Variants in SHCBP1 observed in about 807,000 individuals in gnomAD.
The protein encoded by SHCBP1 is SHC SH2 domain-binding protein 1.
SHCBP1 carries 60 observed loss-of-function variants against 75.1 expected under a neutral mutation model. That is an observed-to-expected ratio of 0.80 (90% confidence interval 0.65 to 0.99). The LOEUF (loss-of-function observed/expected upper bound fraction) is 0.99, where lower values mean the gene tolerates loss of function less well. SHCBP1 is among the 50% of genes least tolerant of loss of function. The pLI is 0.00. For missense variants in SHCBP1, 709 were observed against 809.4 expected (o/e 0.88, Z 1.50); for synonymous variants, 290 against 293.2 (o/e 0.99, Z 0.11).
At chr16:46,599,735 C>A in intron 9 of SHCBP1, 96 bp downstream of exon 9, 3 of 816,240 alleles carry the variant, frequency 3.7e-6, no homozygotes, top group African/African-American at 2.0e-5. Flanking sequence ...TGCCTGTACT[C>A]AAGAGTGGCA....
chr16:46,592,152 G>A (rs1435220622), intron 10 of SHCBP1, among the ~76,000 whole-genome samples: 1 of 151,624 alleles, frequency 6.6e-6, no homozygotes, highest in Non-Finnish European at 1.5e-5. Context: ...AAGAACATAA[G>A]TGAAATTGAA....
In SHCBP1 at chr16:46,599,853, A is replaced by G. The variant is rs1162467340; in HGVS notation, c.1323T>C (p.His441=). Reference sequence around the variant, plus strand: ...TACTTAAGATTCCCTCTACAGCATCATGCTGAACAAATTTTATGCCTGAGA... The same window carrying G: ...TACTTAAGATTCCCTCTACAGCATCGTGCTGAACAAATTTTATGCCTGAGA... The part of the protein sequence containing the change: ...IKISGIKFVQ[H]DAVEGILIVH... Residue 441 remains histidine, a synonymous_variant, in exon 9 of 13, where the codon CAT becomes CAC. Coordinates refer to ENST00000303383, the MANE Select transcript of SHCBP1 (RefSeq NM_024745.5). 6 of 1,611,718 alleles carry G rather than the reference A, an allele frequency of 3.7e-6. No individual in the cohort carries two copies. Among genetic ancestry groups the G allele is most frequent in the Non-Finnish European group, 5.1e-6 (6 of 1,179,380 alleles).
Position 46,595,631 on chromosome 16 carries a change from A to C in SHCBP1, c.1385T>G (p.Leu462Arg). Residue 462 changes from leucine (L) to arginine (R), a missense_variant, in exon 10 of 13, where the codon CTG becomes CGG. Coordinates refer to ENST00000303383, the MANE Select transcript of SHCBP1 (RefSeq NM_024745.5). ...RGKTTLENCV[L>R]QCETTGVTVR... ...TGTGACTCCGGTCGTCTCACACTGC[A>C]GCACACAGTTTTCCAGCGTAGTCTT... The C allele has an allele frequency of 1.2e-6, 2 of 1,614,176 alleles. No homozygotes were observed. The highest frequency in any genetic ancestry group is 1.7e-6 in the Non-Finnish European group (2 of 1,180,008).
At chr16:46,603,396 C>T in intron 8 of SHCBP1, 143 bp downstream of exon 8, 1 of 1,202,496 alleles carries the variant, frequency 8.3e-7, no homozygotes, top group East Asian at 2.3e-5. Context: ...TTTCAGCTTT[C>T]CATGTCCTTA....
At chr16:46,610,050 A>G (rs1567452286) in intron 4 of SHCBP1, among the ~76,000 whole-genome samples, 1 of 150,834 alleles carries the variant, frequency 6.6e-6, no homozygotes, top group Non-Finnish European at 1.5e-5. Flanking sequence ...TCCTGGGTTC[A>G]AGTAATTCTC....
At chr16:46,586,856 T>C (rs1456200943) in intron 10 of SHCBP1, among the ~76,000 whole-genome samples, 2 of 152,092 alleles carry the variant, frequency 1.3e-5, no homozygotes, top group Non-Finnish European at 2.9e-5. Flanking sequence ...GTGAAAATAT[T>C]CTTCAGGAAT....
chr16:46,616,183 C>A lies in SHCBP1; in HGVS notation c.388-29G>T. ...AAATTTAAAATAATGTGACTTAACACATGGAAATCAAAATGAAGATACACC... is the reference window on the plus strand; with the variant it reads ...AAATTTAAAATAATGTGACTTAACAAATGGAAATCAAAATGAAGATACACC... On this transcript the variant is annotated intron_variant, in intron 3 of 12. Transcript: ENST00000303383. The surrounding 1 kb of genome is among the most constrained non-coding windows in gnomAD (Gnocchi z 4.4). 6.3e-7 allele frequency: 1 copy of A among 1,598,846 alleles called. No homozygotes were observed. The highest frequency in any genetic ancestry group is 8.5e-7 in the Non-Finnish European group (1 of 1,170,204).
intron 1 of SHCBP1, among the ~76,000 whole-genome samples, chr16:46,619,823 T>C (rs1965557742): frequency 6.6e-6 from 1 of 152,102 alleles, no homozygotes; most frequent in African/African-American, 2.4e-5. Flanking sequence ...TCACCTGAGG[T>C]TAGGAGCTCG....
intron 10 of SHCBP1, among the ~76,000 whole-genome samples, chr16:46,588,524 T>A (rs968525979): frequency 6.6e-6 from 1 of 152,088 alleles, no homozygotes. Context: ...CAAACTACCA[T>A]CAGAGAACAC....
At chr16:46,599,644 C>G (rs7206393) in intron 9 of SHCBP1, among the ~76,000 whole-genome samples, 187 bp downstream of exon 9, 132,305 of 135,304 alleles carry the variant, frequency 0.98, 64,741 homozygotes, top group East Asian at 1. Context: ...TGGCTTGAAA[C>G]AGGGTTGCCA....
rs1372664014 is a variant in SHCBP1, at chr16:46,581,877, T to C, written c.1871A>G (p.Gln624Arg). 1.9e-6 allele frequency: 3 copies of C among 1,614,178 alleles called. No individual in the cohort carries two copies. Among genetic ancestry groups the C allele is most frequent in the South Asian group, 1.1e-5 (1 of 91,088 alleles). Residue 624 changes from glutamine to arginine, a missense_variant, in exon 13 of 13, where the codon CAG becomes CGG. By Grantham distance (43) the Gln-to-Arg change is conservative. Transcript: ENST00000303383. ...IVNELIAASTQKGQIKKKRLS... is the reference protein window; with the variant it reads ...IVNELIAASTRKGQIKKKRLS... ...CCTTTTCTTCTTTATCTGGCCTTTCTGTGTGGAGGCAGCAATTAGTTCATT... is the reference window on the plus strand; with the variant it reads ...CCTTTTCTTCTTTATCTGGCCTTTCCGTGTGGAGGCAGCAATTAGTTCATT...
Position 46,616,302 on chromosome 16 carries a change from G to T in SHCBP1, c.388-148C>A. 2 of 720,926 alleles carry T rather than the reference G, an allele frequency of 2.8e-6. No homozygotes were observed. The highest frequency in any genetic ancestry group is 4.7e-6 in the Non-Finnish European group (2 of 429,096). The allele number at this position is 720,926 out of a possible 1,614,324, so 44.7% of individuals were successfully genotyped here. A position where few individuals can be genotyped will look rare whatever the true frequency, so the allele number is the denominator to read the frequency against. On this transcript the variant is annotated intron_variant, in intron 3 of 12. Transcript: ENST00000303383. The surrounding 1 kb of genome is among the most constrained non-coding windows in gnomAD (Gnocchi z 4.4). ...ATATAAAGGATGAACAAGACAGGCT[G>T]CCTCTTACCCTCATGGAGCTTACAC...
chr16:46,619,219 A>T (rs1314877492), intron 1 of SHCBP1, among the ~76,000 whole-genome samples: 1 of 152,228 alleles, frequency 6.6e-6, no homozygotes, highest in African/African-American at 2.4e-5. Context: ...AATTCTATGT[A>T]ATGTTTTTAA....
chr16:46,609,114 G>C (rs910945905), intron 4 of SHCBP1, among the ~76,000 whole-genome samples: 3 of 152,154 alleles, frequency 2.0e-5, no homozygotes, highest in East Asian at 3.9e-4. Flanking sequence ...CAATGTATAA[G>C]ATCACGTAAG....
chr16:46,605,092 G>A (rs1255652169), intron 5 of SHCBP1, among the ~76,000 whole-genome samples: 2 of 151,844 alleles, frequency 1.3e-5, no homozygotes, highest in Non-Finnish European at 2.9e-5. Flanking sequence ...GATTCCGAGG[G>A]GGAAAAAAAG....
At chr16:46,618,062 G>A (rs1965529587) in intron 2 of SHCBP1, 143 bp downstream of exon 2, 7 of 818,248 alleles carry the variant, frequency 8.6e-6, no homozygotes, top group Non-Finnish European at 1.3e-5. Context: ...TGTAATCCCA[G>A]CTACTAGGGA....
intron 4 of SHCBP1, among the ~76,000 whole-genome samples, chr16:46,610,460 T>TTACC (rs915705261): frequency 6.6e-6 from 1 of 150,588 alleles, no homozygotes; most frequent in Non-Finnish European, 1.5e-5. Flanking sequence ...AGCCTACACA[T>TTACC]TACCTCTCCC....
chr16:46,595,993 A>G (rs1965133070), intron 9 of SHCBP1, among the ~76,000 whole-genome samples: 2 of 152,212 alleles, frequency 1.3e-5, no homozygotes, highest in Non-Finnish European at 1.5e-5. Flanking sequence ...GAAAGGGGAT[A>G]CAAAGATTCC....
intron 5 of SHCBP1, among the ~76,000 whole-genome samples, chr16:46,606,433 C>T (rs569252806): frequency 1.3e-5 from 2 of 152,314 alleles, no homozygotes; most frequent in South Asian, 2.1e-4. Context: ...AAACTACACA[C>T]GATTCCTCCC....
Sources: gnomAD v4.1 joint callset for allele counts (sites outside exome capture counted in the v4.1 genomes callset) on GRCh38, gnomAD v4.1.1 for gene constraint, Gnocchi (gnomAD v3.1) non-coding constraint, MANE v1.5 for transcripts, NCBI Gene and HGNC (gene_info 2026-07-23, HGNC 2026-07-21) for gene names.